HIVEP2: variants seen among roughly 807,000 people sequenced by gnomAD.
The protein encoded by HIVEP2 is transcription factor HIVEP2.
A neutral mutation model predicts 180.7 loss-of-function variants in HIVEP2; 14 were observed. The ratio of observed to expected loss-of-function variants is 0.08; its 90% confidence interval spans 0.05 to 0.12. The LOEUF is 0.12. Among genes scored for constraint, HIVEP2 ranks in the 10% least tolerant of loss-of-function variants. HIVEP2 has a pLI of 1.00. For missense variants in HIVEP2, 2,579 were observed against 3,008.5 expected, an observed-to-expected ratio of 0.86 and a Z score of 3.34; for synonymous variants, 1,184 against 1,136.4, an observed-to-expected ratio of 1.04 and a Z score of -0.84.
At chr6:142,905,136 T>A (rs1257105919) in intron 1 of HIVEP2, among the ~76,000 whole-genome samples, 2 of 152,214 alleles carry the variant, frequency 1.3e-5, no homozygotes, top group Non-Finnish European at 2.9e-5. Context: ...TCCTCCATTG[T>A]ATGAAATATT....
chr6:142,945,706 T>C (rs1012501151), upstream of HIVEP2, among the ~76,000 whole-genome samples: 7 of 152,096 alleles, frequency 4.6e-5, no homozygotes, highest in African/African-American at 1.7e-4. This position sits in a 1 kb window ranked among gnomAD's most constrained non-coding sequence, Gnocchi z 5.5. Flanking sequence ...ACCGAAGATG[T>C]TTGTGCGGAG....
intron 8 of HIVEP2, 145 bp from the exon 9 acceptor site, chr6:142,760,812 C>CCTGTGTG (rs1307831094): frequency 3.7e-5 from 23 of 618,742 alleles, no homozygotes; most frequent in Non-Finnish European, 6.4e-5. Flanking sequence ...TAAAATGAGG[C>CCTGTGTG]ACTTACCTGT....
intron 1 of HIVEP2, among the ~76,000 whole-genome samples, chr6:142,896,654 A>C (rs1216599258): frequency 6.6e-6 from 1 of 152,204 alleles, no homozygotes; most frequent in African/African-American, 2.4e-5. Context: ...AAAAAGAAAA[A>C]ACAATAAAAT....
chr6:142,857,231 AG>A (rs1306571426), intron 1 of HIVEP2, among the ~76,000 whole-genome samples: 3 of 152,120 alleles, frequency 2.0e-5, no homozygotes, highest in Non-Finnish European at 4.4e-5. Flanking sequence ...AAAAAAAAAA[AG>A]TCATTTGCCA....
At position 142,833,831 on chromosome 6, in the gene HIVEP2, A is replaced by T. The variant is rs550296870; in HGVS notation, c.-528+3104T>A. 2.0e-5 allele frequency among the ~76,000 whole-genome samples: 3 copies of T among 152,364 alleles called. No homozygotes were observed. The South Asian group carries it at 6.2e-4, about 32-fold the overall frequency. On this transcript the variant is annotated intron_variant, in intron 2 of 9. Transcript: ENST00000367603. Reference sequence around the variant, plus strand: ...GCCAGAAGAAATGTAGAGCATACATAAGAGTCCACATTTTCACATCAGTTT... The same window carrying T: ...GCCAGAAGAAATGTAGAGCATACATTAGAGTCCACATTTTCACATCAGTTT...
chr6:142,779,997 G>A (rs1442377174), intron 3 of HIVEP2, among the ~76,000 whole-genome samples: 2 of 152,074 alleles, frequency 1.3e-5, no homozygotes, highest in Non-Finnish European at 2.9e-5. Flanking sequence ...TTTAGGAGAA[G>A]GAGGATAATC....
At chr6:142,907,844 C>A (rs919578307) in intron 1 of HIVEP2, among the ~76,000 whole-genome samples, 2 of 152,294 alleles carry the variant, frequency 1.3e-5, no homozygotes, top group Middle Eastern at 3.4e-3. Flanking sequence ...AGGAGCAGAA[C>A]CACTTTAAAC....
At chr6:142,882,825 A>T (rs1458675849) in intron 1 of HIVEP2, among the ~76,000 whole-genome samples, 1 of 152,118 alleles carries the variant, frequency 6.6e-6, no homozygotes, top group Non-Finnish European at 1.5e-5. Context: ...CATTACCTCA[A>T]TGTTTTAGGT....
chr6:142,906,143 TTAA>T (rs1015178802), intron 1 of HIVEP2, among the ~76,000 whole-genome samples: 1 of 151,922 alleles, frequency 6.6e-6, no homozygotes, highest in Non-Finnish European at 1.5e-5. Flanking sequence ...CAAAAAAAAA[TTAA>T]TAATAACAAT....
At chr6:142,857,788 G>T (rs973599587) in intron 1 of HIVEP2, among the ~76,000 whole-genome samples, 2 of 152,144 alleles carry the variant, frequency 1.3e-5, no homozygotes, top group Non-Finnish European at 2.9e-5. Context: ...ATTTTAGGTC[G>T]GATTTGTTCT....
At chr6:142,800,472 T>C (rs1776376198) in intron 2 of HIVEP2, among the ~76,000 whole-genome samples, 1 of 152,202 alleles carries the variant, frequency 6.6e-6, no homozygotes. Context: ...TTCATTTTTA[T>C]ATATGCCTAA....
intron 1 of HIVEP2, among the ~76,000 whole-genome samples, chr6:142,846,390 C>A (rs1252048067): frequency 2.6e-5 from 4 of 152,232 alleles, no homozygotes; most frequent in Non-Finnish European, 5.9e-5. Context: ...CGGCCACTGT[C>A]TAACACAATA....
chr6:142,920,827 T>A (rs1777666457), intron 1 of HIVEP2, among the ~76,000 whole-genome samples: 1 of 151,914 alleles, frequency 6.6e-6, no homozygotes, highest in Non-Finnish European at 1.5e-5. Flanking sequence ...ACAAAAAATT[T>A]AAAAAATTAG....
intron 2 of HIVEP2, among the ~76,000 whole-genome samples, chr6:142,793,695 CTCTG>C (rs1427744233): frequency 4.8e-5 from 6 of 125,574 alleles, no homozygotes; most frequent in African/African-American, 1.1e-4. Context: ...CTCTCTCTCT[CTCTG>C]TCTGTCTTTC....
chr6:142,933,181 A>C (rs1777980448), intron 1 of HIVEP2, among the ~76,000 whole-genome samples: 1 of 152,162 alleles, frequency 6.6e-6, no homozygotes, highest in African/African-American at 2.4e-5. Context: ...TTCCAAAAGA[A>C]CCTCAGAATT....
intron 3 of HIVEP2, among the ~76,000 whole-genome samples, chr6:142,776,839 A>C (rs1775714165): frequency 6.6e-6 from 1 of 152,056 alleles, no homozygotes; most frequent in Non-Finnish European, 1.5e-5. Flanking sequence ...GGATGAAAAT[A>C]GTGGGTTTTT....
intron 1 of HIVEP2, among the ~76,000 whole-genome samples, chr6:142,848,757 CT>C: frequency 6.6e-6 from 1 of 151,994 alleles, no homozygotes; most frequent in African/African-American, 2.4e-5. Flanking sequence ...TAGTTGGGCT[CT>C]GCTCTGTCCA....
intron 2 of HIVEP2, among the ~76,000 whole-genome samples, chr6:142,803,884 A>C (rs1399700632): frequency 1.3e-5 from 2 of 152,158 alleles, no homozygotes; most frequent in Non-Finnish European, 2.9e-5. Context: ...GGAGGCTGAA[A>C]GTACCAGGAA....
chr6:142,900,619 C>G lies in HIVEP2; in HGVS notation c.-641+44480G>C, dbSNP rs917296476. Among the ~76,000 whole-genome samples the G allele has an allele frequency of 2.0e-5, 3 of 152,218 alleles. No individual in the cohort carries two copies. The East Asian group carries it at 5.8e-4, about 29-fold the overall frequency. ...AAAAGCAATAACTATGTTGACATTC[C>G]AAGAAGAGAGAGGGAGAAGAGCATT... On this transcript the variant is annotated intron_variant, in intron 1 of 9. Transcript: ENST00000367603.
Sources: allele counts gnomAD v4.1 joint callset (sites outside exome capture counted in the v4.1 genomes callset), GRCh38; gene constraint gnomAD v4.1.1; non-coding constraint Gnocchi (gnomAD v3.1); transcripts MANE v1.5; gene names NCBI Gene and HGNC (gene_info 2026-07-23, HGNC 2026-07-21).